Variants in TRIM6 observed in about 807,000 individuals in gnomAD.
The protein encoded by TRIM6 is tripartite motif-containing protein 6.
TRIM6 carries 43 observed loss-of-function variants against 51.2 expected under a neutral mutation model. The ratio of observed to expected loss-of-function variants is 0.84; its 90% CI spans 0.66 to 1.08. The LOEUF is 1.08. TRIM6 is among the 50% of genes least tolerant of loss of function. The pLI, the probability that TRIM6 is intolerant of heterozygous loss-of-function variation, is 0.00. For missense variants in TRIM6, 669 were observed against 619.0 expected (o/e 1.08, Z -0.86); for synonymous variants, 215 against 232.4 (o/e 0.93, Z 0.68).
intron 3 of TRIM6, 157 bp downstream of exon 3, chr11:5,604,786 G>A: frequency 3.0e-6 from 2 of 666,252 alleles, no homozygotes; most frequent in Non-Finnish European, 4.8e-6. Flanking sequence ...CCAAACAGGG[G>A]GAGGAGAGGA....
In TRIM6 at chr11:5,603,601, T is replaced by G; in HGVS notation, c.373T>G (p.Cys125Gly). The G allele has an allele frequency of 6.2e-7, 1 of 1,613,846 alleles. No individual in the cohort carries two copies. The highest frequency in any genetic ancestry group is 8.5e-7 in the Non-Finnish European group (1 of 1,179,978). The change falls in exon 2 of 8, where the codon TGT (cysteine) becomes GGT (glycine). Residue 125 changes from cysteine (C) to glycine (G), a missense_variant. Coordinates refer to ENST00000380097, the MANE Select transcript of TRIM6 (RefSeq NM_001003818.3). ...GPGKQLKAVL[C>G]ADHGEKLQLF... ...TGGGAAGCAGCTGAAAGCAGTTCTTTGTGCAGACCATGGAGAAAAACTGCA... is the reference window on the plus strand; with the variant it reads ...TGGGAAGCAGCTGAAAGCAGTTCTTGGTGCAGACCATGGAGAAAAACTGCA...
At position 5,611,340 on chromosome 11, in the gene TRIM6, T is replaced by C. The variant is rs1848567544; in HGVS notation, c.1549T>C (p.Ter517ArgextTer19). The change falls in exon 8 of 8, where the codon TGA (stop) becomes CGA (arginine). Residue 517 changes from the stop codon to arginine (R), a stop_lost. Transcript: ENST00000380097. ...IPMTLRRPSS[*>R] ...TATGACCCTGCGTCGTCCAAGCTCT[T>C]GAATATTCTTCTGTTCCCACCCACT... 1 of 1,611,002 alleles carries C rather than the reference T, an allele frequency of 6.2e-7. No homozygotes were observed. Among genetic ancestry groups the C allele is most frequent in the Non-Finnish European group, 8.5e-7 (1 of 1,177,972 alleles).
intron 1 of TRIM6, among the ~76,000 whole-genome samples, chr11:5,601,047 G>A (rs1477727029): frequency 1.3e-5 from 2 of 152,176 alleles, no homozygotes; most frequent in African/African-American, 4.8e-5. Context: ...TCTCAATGAA[G>A]ATATAAGGTC....
intron 1 of TRIM6, among the ~76,000 whole-genome samples, chr11:5,602,108 G>A (rs572871395): frequency 6.6e-6 from 1 of 152,110 alleles, no homozygotes; most frequent in Non-Finnish European, 1.5e-5. Context: ...ATTTCACTGC[G>A]AGGATTCAAA....
rs781285101 is a variant in TRIM6, at chr11:5,596,875, C to T, written c.-23C>T. On this transcript the variant is annotated 5_prime_UTR_variant, in exon 1 of 8. Transcript: ENST00000380097. ...CACCTGATATTGCTTACATCTGGAA[C>T]TTCTTGGCTTCTCATTCCCCAGATG... is the stretch of plus-strand genomic sequence containing the variant. 7 of 1,613,922 alleles carry T rather than the reference C, an allele frequency of 4.3e-6. No individual in the cohort carries two copies. Among genetic ancestry groups the T allele is most frequent in the Non-Finnish European group, 5.1e-6 (6 of 1,179,984 alleles).
intron 5 of TRIM6, among the ~76,000 whole-genome samples, chr11:5,608,847 ATTTT>A (rs370630648): frequency 2.9e-5 from 3 of 101,888 alleles, no homozygotes; most frequent in Non-Finnish European, 5.4e-5. Context: ...TTGCCCATAA[ATTTT>A]TTTTTTTTTT....
chr11:5,609,012 C>T (rs1848401142), intron 5 of TRIM6, among the ~76,000 whole-genome samples: 1 of 151,998 alleles, frequency 6.6e-6, no homozygotes, highest in Non-Finnish European at 1.5e-5. Flanking sequence ...CTTGGCACAT[C>T]TGCCTTAAGT....
chr11:5,605,281 G>A (rs1051266584), intron 3 of TRIM6, 56 bp from the exon 4 acceptor site: 1 of 1,610,420 alleles, frequency 6.2e-7, no homozygotes, highest in Non-Finnish European at 8.5e-7. Context: ...GCTTTTAATA[G>A]AGGAGACCCT....
chr11:5,600,935 T>A (rs1407204982), intron 1 of TRIM6, among the ~76,000 whole-genome samples: 1 of 152,084 alleles, frequency 6.6e-6, no homozygotes, highest in Non-Finnish European at 1.5e-5. Flanking sequence ...CTGGAAACAG[T>A]TTTAAAAATT....
upstream of TRIM6, chr11:5,596,268 G>A (rs1237188974): frequency 6.5e-6 from 1 of 153,260 alleles, no homozygotes; most frequent in East Asian, 1.9e-4. Context: ...CGGGTTGGGG[G>A]TGGTTCACGG....
In TRIM6 at chr11:5,603,143, AC is replaced by A. The variant is rs1308766826; in HGVS notation, c.18-99del. On this transcript the variant is annotated intron_variant, in intron 1 of 7. Transcript: ENST00000380097. The stretch of plus-strand genomic sequence containing the variant: ...GATATGAGAATGAGAAGCCCTTGTT[AC>A]CCCAGGTGTCTGACCTCTTTATCCA... 4.6e-6 allele frequency: 7 copies of A among 1,507,528 alleles called. No individual in the cohort carries two copies. In the African/African-American group the frequency reaches 9.8e-5, roughly 21 times the overall value. The allele number at this position is 1,507,528 out of a possible 1,614,324, so 93.4% of individuals were successfully genotyped here.
chr11:5,605,508 C>T lies in TRIM6; in HGVS notation c.775C>T (p.Arg259Ter), dbSNP rs767574452. ...TCTGGTCCACCAGACCCAGTCGCTG[C>T]GAGAGCTCATCTCGGATCTGGAGCG... is the stretch of plus-strand genomic sequence containing the variant. ...NDLVHQTQSL[R>*]ELISDLERRC... The change falls in exon 4 of 8, where the codon CGA becomes TGA. Residue 259 changes from arginine to a stop codon, truncating the protein, a stop_gained. Transcript: ENST00000380097. LOFTEE classifies it high-confidence loss of function. 1.4e-5 allele frequency: 22 copies of T among 1,613,962 alleles called. No individual in the cohort carries two copies. Among genetic ancestry groups the T allele is most frequent in the Non-Finnish European group, 1.7e-5 (20 of 1,180,032 alleles).
chr11:5,599,144 T>G (rs1383681237), intron 1 of TRIM6, among the ~76,000 whole-genome samples: 1 of 152,204 alleles, frequency 6.6e-6, no homozygotes, highest in Admixed American at 6.5e-5. Context: ...GTTTAATTGT[T>G]TGGTAATATG....
intron 5 of TRIM6, 102 bp downstream of exon 5, chr11:5,608,496 C>G: frequency 6.4e-7 from 1 of 1,553,616 alleles, no homozygotes. Context: ...GGGGAAGATT[C>G]AAGAGAGTAG....
chr11:5,597,677 C>A (rs1564860110), intron 1 of TRIM6, among the ~76,000 whole-genome samples: 1 of 152,182 alleles, frequency 6.6e-6, no homozygotes, highest in Non-Finnish European at 1.5e-5. Context: ...AACTCTGAAC[C>A]CCCAGCCTAC....
chr11:5,601,285 A>T (rs573128473), intron 1 of TRIM6, among the ~76,000 whole-genome samples: 1 of 152,230 alleles, frequency 6.6e-6, no homozygotes, highest in East Asian at 1.9e-4. Flanking sequence ...TGGAAAGGTT[A>T]GGTTATGCCA....
At chr11:5,606,348 AG>A (rs1439743349) in intron 4 of TRIM6, among the ~76,000 whole-genome samples, 3 of 152,148 alleles carry the variant, frequency 2.0e-5, no homozygotes, top group East Asian at 3.9e-4. Flanking sequence ...ACTTGAACTG[AG>A]GTTGAAATTC....
chr11:5,603,295 G>A lies in TRIM6; in HGVS notation c.67G>A (p.Ala23Thr), dbSNP rs146497638. 6.8e-6 allele frequency: 11 copies of A among 1,614,122 alleles called. No homozygotes were observed. The highest frequency in any genetic ancestry group is 8.5e-6 in the Non-Finnish European group (10 of 1,180,022). The change falls in exon 2 of 8, where the codon GCC becomes ACC. Residue 23 changes from alanine (A) to threonine (T), a missense_variant. Transcript: ENST00000380097. ...ILEIRVGQAG[A>T]RRVATMTSPV... ...AGAAATCAGGGTTGGGCAGGCAGGA[G>A]CCAGGAGAGTAGCTACAATGACTTC...
rs765671434 is a variant in TRIM6 at position 5,610,525 on chromosome 11, A to C, written c.959-10A>C. On this transcript the variant is annotated splice_polypyrimidine_tract_variant and intron_variant, in intron 6 of 7. Transcript: ENST00000380097. ...CTATTCAACATTATTGACTCTTTTC[A>C]TCATTACAGAGCTGACAGATGTCCA... 3 of 1,614,130 alleles carry C rather than the reference A, an allele frequency of 1.9e-6. No homozygotes were observed. The highest frequency in any genetic ancestry group is 4.5e-5 in the East Asian group (2 of 44,876).
Sources: allele counts gnomAD v4.1 joint callset (sites outside exome capture counted in the v4.1 genomes callset), GRCh38; gene constraint gnomAD v4.1.1; transcripts MANE v1.5; gene names NCBI Gene and HGNC (gene_info 2026-07-23, HGNC 2026-07-21).